Variants in HIRA observed in about 807,000 individuals in gnomAD.
The protein encoded by HIRA is histone cell cycle regulator.
In HIRA, 13 loss-of-function variants were observed where a neutral mutation model predicts 126.6. That is an observed-to-expected ratio of 0.10 (90% CI 0.07 to 0.16). The LOEUF is 0.16. Among genes scored for constraint, HIRA ranks in the 10% least tolerant of loss-of-function variants. The pLI, the probability that HIRA is intolerant of heterozygous loss-of-function variation, is 1.00. For missense variants in HIRA, 834 were observed against 1,314.4 expected (o/e 0.63, Z 5.65); for synonymous variants, 511 against 520.0 (o/e 0.98, Z 0.24).
rs757004182 is a variant in HIRA at position 19,377,973 on chromosome 22, T to A, written c.1509A>T (p.Pro503=). 6 of 1,613,822 alleles carry A rather than the reference T, an allele frequency of 3.7e-6. No homozygotes were observed. The Admixed American group carries it at 1.0e-4, about 27-fold the overall frequency. ...LSSHSSPQLL[P]LDSSTPNSFG... is the part of the protein sequence containing the mutation. ...AGGAGTTAGGGGTACTGGAGTCCAG[T>A]GGCAGTAGCTGTGGACTGCTATGAG... Residue 503 remains proline (P), a synonymous_variant, in exon 14 of 25, where the codon CCA becomes CCT. Coordinates refer to ENST00000263208, the MANE Select transcript of HIRA (RefSeq NM_003325.4).
At position 19,383,717 on chromosome 22, in the gene HIRA, G is replaced by A; in HGVS notation, c.1330-12C>T. On this transcript the variant is annotated splice_polypyrimidine_tract_variant and intron_variant, in intron 12 of 24. Transcript: ENST00000263208. ...TTCTTCAAAAGATTCTGGCAAAGCA[G>A]AGTTACATAAATGAATGCAAAAGTT... is the stretch of plus-strand genomic sequence containing the variant. 2.5e-6 allele frequency: 4 copies of A among 1,609,846 alleles called. No individual in the cohort carries two copies. The highest frequency in any genetic ancestry group is 3.4e-6 in the Non-Finnish European group (4 of 1,177,158).
At chr22:19,429,458 C>T (rs1178472647) in intron 1 of HIRA, among the ~76,000 whole-genome samples, 1 of 152,130 alleles carries the variant, frequency 6.6e-6, no homozygotes, top group Non-Finnish European at 1.5e-5. Flanking sequence ...TACTTATTAT[C>T]TCAGATTTCT....
At chr22:19,359,113 G>A (rs1291935630) in intron 18 of HIRA, among the ~76,000 whole-genome samples, 1 of 152,152 alleles carries the variant, frequency 6.6e-6, no homozygotes, top group East Asian at 1.9e-4. Context: ...CAAGGGCTCA[G>A]TTTCCCCATC....
At chr22:19,375,913 A>G in intron 14 of HIRA, 121 bp from the exon 15 acceptor site, 1 of 1,048,558 alleles carries the variant, frequency 9.5e-7, no homozygotes, top group Non-Finnish European at 1.4e-6. Flanking sequence ...ATAAACACAA[A>G]AAATGTCAAG....
chr22:19,415,905 C>T (rs1025311706), intron 1 of HIRA, among the ~76,000 whole-genome samples: 38 of 152,002 alleles, frequency 2.5e-4, no homozygotes, highest in African/African-American at 8.9e-4. Context: ...CCAAAATTCA[C>T]ATGGAATCTT....
At chr22:19,365,804 A>G (rs2146201658) in intron 15 of HIRA, 1 of 152,280 alleles carries the variant, frequency 6.6e-6, no homozygotes, top group East Asian at 1.9e-4. Context: ...AGGCAGGAGG[A>G]CTGTTTAAGT....
chr22:19,349,031 A>T (rs1353530114), intron 24 of HIRA, among the ~76,000 whole-genome samples: 1 of 151,014 alleles, frequency 6.6e-6, no homozygotes, highest in Admixed American at 6.6e-5. Flanking sequence ...TGATCCGCCC[A>T]TCTTGGCCTC....
chr22:19,397,253 C>T (rs1039226780), intron 6 of HIRA, among the ~76,000 whole-genome samples: 1 of 152,210 alleles, frequency 6.6e-6, no homozygotes, highest in African/African-American at 2.4e-5. Flanking sequence ...TGACGTTAGC[C>T]TCCCTGGTAG....
At chr22:19,422,947 G>A (rs9617791) in intron 1 of HIRA, among the ~76,000 whole-genome samples, 13,309 of 152,114 alleles carry the variant, frequency 0.087, 1,938 homozygotes, top group African/African-American at 0.3. Flanking sequence ...CCCAATCCAC[G>A]ACAATTCTGA....
chr22:19,355,100 T>C (rs2088798450), intron 21 of HIRA, among the ~76,000 whole-genome samples: 1 of 151,866 alleles, frequency 6.6e-6, no homozygotes, highest in Non-Finnish European at 1.5e-5. Flanking sequence ...GAAAGAAGTC[T>C]CAGTGTGAAT....
rs149312638 is a variant in HIRA, at chr22:19,348,858, G to A, written c.2937+2500C>T. 7.0e-4 allele frequency among the ~76,000 whole-genome samples: 105 copies of A among 150,564 alleles called. 1 individual carries two copies. The highest frequency in any genetic ancestry group is 2.3e-3 in the African/African-American group (92 of 40,846). On this transcript the variant is annotated intron_variant, in intron 24 of 24. Transcript: ENST00000263208. ...GTCGCCCAGGCTGGAGTACAATGGC[G>A]TGATCTTGGCTCTGCCTCCTAGGTT...
At chr22:19,427,757 A>G (rs1457203215) in intron 1 of HIRA, among the ~76,000 whole-genome samples, 2 of 152,188 alleles carry the variant, frequency 1.3e-5, no homozygotes, top group African/African-American at 4.8e-5. Flanking sequence ...AGGCATGAGA[A>G]TTCCAGAAAA....
intron 22 of HIRA, 39 bp from the exon 23 acceptor site, chr22:19,353,558 G>T (rs1556011599): frequency 6.4e-7 from 1 of 1,553,258 alleles, no homozygotes; most frequent in African/African-American, 1.3e-5. Flanking sequence ...GGGGCAGCAG[G>T]CACTACACAG....
intron 18 of HIRA, among the ~76,000 whole-genome samples, chr22:19,357,441 G>C (rs1369295678): frequency 1.3e-5 from 2 of 152,238 alleles, no homozygotes; most frequent in Non-Finnish European, 2.9e-5. Flanking sequence ...CCAGTCCTGA[G>C]AAGGTCTCTA....
At position 19,356,881 on chromosome 22, in the gene HIRA, GC is replaced by G. The variant is rs199687182; in HGVS notation, c.2396+8del. The stretch of plus-strand genomic sequence containing the variant: ...CTGAAGCCCACCCCACCCTGTGCCT[GC>G]CTCTCACCAGACAGAGAGTGTGGCT... On this transcript the variant is annotated splice_region_variant and intron_variant, in intron 19 of 24. Transcript: ENST00000263208. 31,476 of 1,613,348 alleles carry G rather than the reference GC, an allele frequency of 0.02. 362 individuals are homozygous for G. The highest frequency in any genetic ancestry group is 0.022 in the Non-Finnish European group (26,085 of 1,179,718).
chr22:19,360,991 G>A (rs2088858157), intron 17 of HIRA, among the ~76,000 whole-genome samples: 1 of 152,230 alleles, frequency 6.6e-6, no homozygotes, highest in Non-Finnish European at 1.5e-5. Context: ...GGTGGTAATG[G>A]CAGCCCCAGC....
intron 2 of HIRA, among the ~76,000 whole-genome samples, chr22:19,409,575 G>GCCCA (rs999475530): frequency 3.9e-5 from 6 of 152,270 alleles, no homozygotes; most frequent in South Asian, 2.1e-4. Flanking sequence ...GAGCCACCGT[G>GCCCA]CCCAGCCTTA....
intron 21 of HIRA, 137 bp from the exon 22 acceptor site, chr22:19,354,255 G>A (rs1402740044): frequency 8.7e-6 from 7 of 803,732 alleles, no homozygotes; most frequent in African/African-American, 5.2e-5. Flanking sequence ...GAGGCTGAGC[G>A]CCCCTGCACT....
At chr22:19,374,183 A>G (rs1479170062) in intron 15 of HIRA, among the ~76,000 whole-genome samples, 3 of 151,972 alleles carry the variant, frequency 2.0e-5, no homozygotes. Flanking sequence ...AATTACCAAA[A>G]ATTAGCCAGG....
Sources: allele counts gnomAD v4.1 joint callset (sites outside exome capture counted in the v4.1 genomes callset), GRCh38; gene constraint gnomAD v4.1.1; transcripts MANE v1.5; gene names NCBI Gene and HGNC (gene_info 2026-07-23, HGNC 2026-07-21).